OXR1: variants seen among roughly 807,000 people sequenced by gnomAD.
The protein encoded by OXR1 is oxidation resistance protein 1.
In OXR1, 41 loss-of-function variants were observed where a neutral mutation model predicts 104.6. The observed-to-expected ratio is 0.39, with a 90% confidence interval of 0.31 to 0.51. The LOEUF (loss-of-function observed/expected upper bound fraction) is 0.51, where lower values mean the gene tolerates loss of function less well. Ranked by LOEUF, OXR1 falls within the 20% of genes least tolerant of loss-of-function variation. The pLI is 0.77. For missense variants in OXR1, 955 were observed against 1,031.9 expected, an observed-to-expected ratio of 0.93 and a Z score of 1.02; for synonymous variants, 348 against 348.4, an observed-to-expected ratio of 1.00 and a Z score of 0.01.
At chr8:106,629,124 C>T (rs1440237309) in intron 3 of OXR1, among the ~76,000 whole-genome samples, 2 of 152,046 alleles carry the variant, frequency 1.3e-5, no homozygotes, top group Non-Finnish European at 1.5e-5. Context: ...ATTGTCTTGC[C>T]AGATGAGGAA....
intron 3 of OXR1, among the ~76,000 whole-genome samples, chr8:106,643,119 AC>A (rs748941363): frequency 5.3e-5 from 8 of 152,208 alleles, no homozygotes; most frequent in Non-Finnish European, 8.8e-5. Context: ...AATTAGGGAT[AC>A]CGAATGTCAC....
intron 3 of OXR1, among the ~76,000 whole-genome samples, chr8:106,576,467 A>C (rs1212310491): frequency 2.0e-4 from 8 of 39,582 alleles, no homozygotes; most frequent in Admixed American, 1.2e-3. Flanking sequence ...ACAGTTATTC[A>C]AAAAAAAAAA....
chr8:106,599,524 A>T (rs1563633709), intron 3 of OXR1, among the ~76,000 whole-genome samples: 1 of 152,184 alleles, frequency 6.6e-6, no homozygotes, highest in Non-Finnish European at 1.5e-5. Flanking sequence ...TTGTTGTCAA[A>T]TTTCTTACTG....
intron 2 of OXR1, among the ~76,000 whole-genome samples, chr8:106,435,177 G>A (rs10102666): frequency 0.23 from 34,397 of 152,010 alleles, 5,409 homozygotes; most frequent in African/African-American, 0.42. Flanking sequence ...TTGCTGTGTT[G>A]GAGGAAGACA....
chr8:106,468,799 A>G (rs1365673944), intron 2 of OXR1, among the ~76,000 whole-genome samples: 1 of 151,854 alleles, frequency 6.6e-6, no homozygotes, highest in Non-Finnish European at 1.5e-5. Context: ...AACTTGAGCC[A>G]AGAGAAAGTA....
At chr8:106,660,143 G>C (rs949856440) in intron 3 of OXR1, among the ~76,000 whole-genome samples, 1 of 152,208 alleles carries the variant, frequency 6.6e-6, no homozygotes, top group African/African-American at 2.4e-5. Context: ...CTATTCTAGA[G>C]CATTTTCATT....
intron 3 of OXR1, among the ~76,000 whole-genome samples, chr8:106,611,490 T>G (rs1048357109): frequency 1.2e-4 from 18 of 152,210 alleles, no homozygotes; most frequent in African/African-American, 3.6e-4. Flanking sequence ...TGTATGGAGG[T>G]CAAGGGTGAT....
At chr8:106,630,912 A>G (rs3110424) in intron 3 of OXR1, among the ~76,000 whole-genome samples, 86,981 of 152,098 alleles carry the variant, frequency 0.57, 25,336 homozygotes, top group African/African-American at 0.69. Flanking sequence ...TGCCTGTGCT[A>G]GCTGAGGGCA....
chr8:106,703,306 G>C (rs140756681), intron 8 of OXR1, among the ~76,000 whole-genome samples: 2 of 152,190 alleles, frequency 1.3e-5, no homozygotes, highest in African/African-American at 4.8e-5. Flanking sequence ...TGTGGTCAGA[G>C]AACCAGATAT....
chr8:106,412,777 C>T (rs1039381592), intron 2 of OXR1, among the ~76,000 whole-genome samples: 6 of 151,774 alleles, frequency 4.0e-5, no homozygotes, highest in Admixed American at 1.3e-4. Context: ...CTATATTTTC[C>T]AAAGGTTTTA....
chr8:106,604,450 T>C (rs1057196414), intron 3 of OXR1, among the ~76,000 whole-genome samples: 1 of 152,262 alleles, frequency 6.6e-6, no homozygotes, highest in South Asian at 2.1e-4. Flanking sequence ...GCCACCCGTA[T>C]ACAGTATTAT....
chr8:106,367,068 T>A (rs866026817), intron 2 of OXR1, among the ~76,000 whole-genome samples: 3,273 of 149,918 alleles, frequency 0.022, 113 homozygotes, highest in African/African-American at 0.074. Flanking sequence ...GTTTCCCTTT[T>A]TTTTTTTTTT....
intron 2 of OXR1, among the ~76,000 whole-genome samples, chr8:106,403,130 G>A (rs1284872048): frequency 6.6e-6 from 1 of 152,250 alleles, no homozygotes; most frequent in Admixed American, 6.5e-5. Flanking sequence ...TTGATTGAGG[G>A]AATATGACTC....
chr8:106,350,523 T>A (rs1392488248), intron 1 of OXR1, among the ~76,000 whole-genome samples: 1 of 152,222 alleles, frequency 6.6e-6, no homozygotes, highest in Non-Finnish European at 1.5e-5. Flanking sequence ...AATTGAATAC[T>A]AATACTTCCC....
intron 2 of OXR1, among the ~76,000 whole-genome samples, chr8:106,410,384 TA>T (rs1012693813): frequency 1.3e-5 from 2 of 152,158 alleles, no homozygotes; most frequent in African/African-American, 2.4e-5. Context: ...AAGTATCTTT[TA>T]TATGTGAAGT....
intron 7 of OXR1, among the ~76,000 whole-genome samples, chr8:106,694,614 ATATATATTTGATATATAAATATATG>A: frequency 8.7e-6 from 1 of 114,692 alleles, no homozygotes; most frequent in Non-Finnish European, 1.6e-5. Flanking sequence ...ATATATGTTT[ATATATATTTGATATATAAATATATG>A]TTTATATATA....
chr8:106,662,839 GGATGATGATGAT>G (rs5893799), intron 3 of OXR1, among the ~76,000 whole-genome samples: 44,125 of 149,018 alleles, frequency 0.3, 8,298 homozygotes, highest in African/African-American at 0.54. Flanking sequence ...TCAGTAAATG[GGATGATGATGAT>G]GATGATGATG....
At chr8:106,491,366 A>G (rs972320953) in intron 2 of OXR1, among the ~76,000 whole-genome samples, 11 of 152,220 alleles carry the variant, frequency 7.2e-5, no homozygotes, top group Non-Finnish European at 1.3e-4. Context: ...TCATTTGCCT[A>G]CAGACAAACA....
intron 1 of OXR1, among the ~76,000 whole-genome samples, chr8:106,274,234 T>G (rs1811934541): frequency 6.6e-6 from 1 of 152,186 alleles, no homozygotes; most frequent in Non-Finnish European, 1.5e-5. Flanking sequence ...CGTAGCACAA[T>G]ACGTTGCCTA....
Sources: gnomAD v4.1 joint callset for allele counts (sites outside exome capture counted in the v4.1 genomes callset) on GRCh38, gnomAD v4.1.1 for gene constraint, MANE v1.5 for transcripts, NCBI Gene and HGNC (gene_info 2026-07-23, HGNC 2026-07-21) for gene names.